The following SACS variants were observed in gnomAD, a reference collection of about 807,000 sequenced individuals.
SACS encodes sacsin.
In SACS, 197 loss-of-function variants were observed where a neutral mutation model predicts 348.0. The observed-to-expected ratio is 0.57, with a 90% CI of 0.50 to 0.64. SACS has a LOEUF of 0.64. Ranked by LOEUF, SACS falls within the 30% of genes least tolerant of loss-of-function variation. The pLI, the probability that SACS is intolerant of heterozygous loss-of-function variation, is 0.00. For missense variants in SACS, 4,999 were observed against 5,360.8 expected (o/e 0.93, Z 2.11); for synonymous variants, 1,985 against 1,910.6 (o/e 1.04, Z -1.02).
chr13:23,368,503 C>T lies in SACS; in HGVS notation c.260-16G>A, dbSNP rs1871193265. 1 of 1,592,694 alleles carries T rather than the reference C, an allele frequency of 6.3e-7. No homozygotes were observed. The highest frequency in any genetic ancestry group is 1.1e-5 in the South Asian group (1 of 89,622). On this transcript the variant is annotated splice_polypyrimidine_tract_variant and intron_variant, in intron 4 of 9. Coordinates refer to ENST00000382292, the MANE Select transcript of SACS (RefSeq NM_014363.6). ...CCAAATCGACCTAAAATACGGAGCACATTTTAAGTGAGTTAGAAAAAAAAT... is the reference window on the plus strand; with the variant it reads ...CCAAATCGACCTAAAATACGGAGCATATTTTAAGTGAGTTAGAAAAAAAAT...
intron 2 of SACS, among the ~76,000 whole-genome samples, chr13:23,385,939 T>C (rs1220304790): frequency 6.6e-5 from 10 of 152,230 alleles, no homozygotes; most frequent in African/African-American, 2.4e-4. Context: ...AGTAATATTT[T>C]GAAAGGAATC....
At chr13:23,427,657 C>G (rs1252869253) in intron 1 of SACS, 1 of 152,240 alleles carries the variant, frequency 6.6e-6, no homozygotes, top group Non-Finnish European at 1.5e-5. Flanking sequence ...GGGAGCTGTT[C>G]CCTGAGCTAA....
chr13:23,370,711 C>T (rs888497863), intron 4 of SACS, among the ~76,000 whole-genome samples: 9 of 152,168 alleles, frequency 5.9e-5, no homozygotes, highest in Non-Finnish European at 1.0e-4. Flanking sequence ...GCCTGTAATC[C>T]GAACACTTTG....
intron 1 of SACS, among the ~76,000 whole-genome samples, chr13:23,413,977 T>C (rs978943821): frequency 2.0e-5 from 3 of 152,156 alleles, no homozygotes; most frequent in Non-Finnish European, 4.4e-5. Context: ...TATAATAAAG[T>C]AAAGGATTAG....
Position 23,333,766 on chromosome 13 carries a change from T to A in SACS, c.10110A>T (p.Gln3370His). 1.9e-6 allele frequency: 3 copies of A among 1,613,852 alleles called. No homozygotes were observed. The highest frequency in any genetic ancestry group is 2.5e-6 in the Non-Finnish European group (3 of 1,179,816). Reference sequence around the variant, plus strand: ...ATTTTTCTGCTCTAAATGTTGAAGTTTGGACCATATAATGTAGAGCCTTCA... The same window carrying A: ...ATTTTTCTGCTCTAAATGTTGAAGTATGGACCATATAATGTAGAGCCTTCA... Reference protein sequence around the residue: ...SILKALHYMVQTSTFRAEKLV... With the variant: ...SILKALHYMVHTSTFRAEKLV... The change falls in exon 10 of 10, where the codon CAA (glutamine) becomes CAT (histidine). Residue 3370 changes from glutamine to histidine, a missense_variant. Physicochemically the swap from Gln to His is conservative, Grantham distance 24. Coordinates refer to ENST00000382292, the MANE Select transcript of SACS (RefSeq NM_014363.6).
intron 6 of SACS, among the ~76,000 whole-genome samples, chr13:23,359,539 T>C (rs887738198): frequency 2.6e-5 from 4 of 152,198 alleles, no homozygotes; most frequent in Non-Finnish European, 5.9e-5. Context: ...TAATATCAAC[T>C]ATCTCCAAAG....
intron 2 of SACS, among the ~76,000 whole-genome samples, chr13:23,400,606 G>C (rs956697964): frequency 6.6e-5 from 10 of 152,122 alleles, no homozygotes; most frequent in African/African-American, 2.4e-4. Context: ...ATTTTTAGTA[G>C]AGACACGGTT....
At chr13:23,421,744 G>T (rs1873951476) in intron 1 of SACS, among the ~76,000 whole-genome samples, 1 of 151,740 alleles carries the variant, frequency 6.6e-6, no homozygotes, top group East Asian at 1.9e-4. Flanking sequence ...ACTGGGAACT[G>T]GATGTTGCCC....
At chr13:23,368,849 C>A (rs1871210757) in intron 4 of SACS, among the ~76,000 whole-genome samples, 1 of 152,136 alleles carries the variant, frequency 6.6e-6, no homozygotes, top group South Asian at 2.1e-4. Flanking sequence ...CAGGTGCCCA[C>A]CACCATGCCC....
intron 2 of SACS, among the ~76,000 whole-genome samples, chr13:23,406,465 A>G (rs1873217582): frequency 6.6e-6 from 1 of 152,188 alleles, no homozygotes; most frequent in Non-Finnish European, 1.5e-5. Flanking sequence ...CCACCATGGT[A>G]CATGTATACT....
chr13:23,348,405 T>C (rs1242625148), intron 9 of SACS, among the ~76,000 whole-genome samples: 2 of 152,120 alleles, frequency 1.3e-5, no homozygotes, highest in African/African-American at 4.8e-5. Flanking sequence ...CTGCGCCCCA[T>C]CTCCTCCATG....
At chr13:23,390,472 C>T (rs1872488007) in intron 2 of SACS, among the ~76,000 whole-genome samples, 2 of 152,152 alleles carry the variant, frequency 1.3e-5, no homozygotes, top group Non-Finnish European at 1.5e-5. Flanking sequence ...CCAGCCTGGG[C>T]AAGATGGCAA....
intron 2 of SACS, among the ~76,000 whole-genome samples, chr13:23,400,662 C>A (rs866242419): frequency 1.3e-5 from 2 of 152,138 alleles, no homozygotes; most frequent in African/African-American, 4.8e-5. Flanking sequence ...CCTCGTGATC[C>A]GCCCGCCTCG....
chr13:23,374,584 CT>C (rs1054140965), intron 3 of SACS, among the ~76,000 whole-genome samples: 7 of 152,166 alleles, frequency 4.6e-5, no homozygotes, highest in Admixed American at 1.3e-4. Flanking sequence ...TAACAATATT[CT>C]TGTTTTCCAA....
At chr13:23,374,300 A>G (rs1221628597) in intron 3 of SACS, among the ~76,000 whole-genome samples, 1 of 152,210 alleles carries the variant, frequency 6.6e-6, no homozygotes, top group Admixed American at 6.5e-5. Flanking sequence ...TGAAGCAGGA[A>G]AAATCACAGA....
chr13:23,407,353 C>T (rs1873271215), intron 2 of SACS, among the ~76,000 whole-genome samples: 1 of 152,192 alleles, frequency 6.6e-6, no homozygotes, highest in Non-Finnish European at 1.5e-5. Flanking sequence ...CGCCTGCCAC[C>T]ACGCCCGGCT....
intron 4 of SACS, among the ~76,000 whole-genome samples, chr13:23,369,135 T>C (rs1871235215): frequency 1.3e-5 from 2 of 152,232 alleles, no homozygotes; most frequent in Non-Finnish European, 1.5e-5. Context: ...ATAAATGATG[T>C]TATTTTGTGG....
chr13:23,355,132 CA>C lies in SACS; in HGVS notation c.1479del (p.Asn493LysfsTer6). ...GGGACAACATTCATGACAAGAAACT[CA>C]TTCCATAAGGCTGCCGGGTCTCTCC... is the stretch of plus-strand genomic sequence containing the variant. The part of the protein sequence containing the change: ...DQWRDPAALW[N>X]EFLVMNVVPK... On this transcript the variant is annotated frameshift_variant, in exon 8 of 10. Coordinates refer to ENST00000382292, the MANE Select transcript of SACS (RefSeq NM_014363.6). LOFTEE classifies it high-confidence loss of function. 1 of 1,614,182 alleles carries C rather than the reference CA, an allele frequency of 6.2e-7. No individual in the cohort carries two copies. Among genetic ancestry groups the C allele is most frequent in the Non-Finnish European group, 8.5e-7 (1 of 1,180,030 alleles).
chr13:23,387,586 T>A (rs1042237268), intron 2 of SACS, among the ~76,000 whole-genome samples: 9 of 152,100 alleles, frequency 5.9e-5, no homozygotes, highest in African/African-American at 1.7e-4. Context: ...GGTCCCCTGG[T>A]CACCCTGACC....
Sources: allele counts gnomAD v4.1 joint callset (sites outside exome capture counted in the v4.1 genomes callset), GRCh38; gene constraint gnomAD v4.1.1; transcripts MANE v1.5; gene names NCBI Gene and HGNC (gene_info 2026-07-23, HGNC 2026-07-21).